Variants in THSD4 observed in about 807,000 individuals in gnomAD.
The protein encoded by THSD4 is thrombospondin type-1 domain-containing protein 4.
Under a neutral mutation model 119.0 loss-of-function variants are expected in THSD4, and 69 were observed. That is an observed-to-expected ratio of 0.58 (90% CI 0.48 to 0.71). The LOEUF is 0.71. Among genes scored for constraint, THSD4 ranks in the 30% least tolerant of loss-of-function variants. The pLI, the probability that THSD4 is intolerant of heterozygous loss-of-function variation, is 0.00. For synonymous variants in THSD4, 524 were observed against 540.4 expected (o/e 0.97, Z 0.42); for missense variants, 1,393 against 1,391.1 (o/e 1.00, Z -0.02).
At chr15:71,652,939 A>G (rs1196797079) in intron 7 of THSD4, among the ~76,000 whole-genome samples, 1 of 152,186 alleles carries the variant, frequency 6.6e-6, no homozygotes, top group Non-Finnish European at 1.5e-5. Context: ...TTGTGTATAT[A>G]CAGCAAATTT....
chr15:71,233,979 G>A (rs2044081836), intron 4 of THSD4, among the ~76,000 whole-genome samples: 1 of 152,230 alleles, frequency 6.6e-6, no homozygotes, highest in Admixed American at 6.5e-5. Context: ...AAGGAAGCAA[G>A]CTGTCGGCTG....
At chr15:71,467,137 G>T (rs2047511930) in intron 7 of THSD4, among the ~76,000 whole-genome samples, 1 of 152,124 alleles carries the variant, frequency 6.6e-6, no homozygotes, top group Non-Finnish European at 1.5e-5. Context: ...TGCTGCCTTT[G>T]TGTCTCTCCC....
At chr15:71,656,104 A>G (rs2051185684) in intron 7 of THSD4, among the ~76,000 whole-genome samples, 1 of 152,218 alleles carries the variant, frequency 6.6e-6, no homozygotes, top group Non-Finnish European at 1.5e-5. Context: ...TTTGGAGGAG[A>G]CTATCGGCTG....
At chr15:71,384,820 T>G (rs945436000) in intron 6 of THSD4, among the ~76,000 whole-genome samples, 1 of 152,210 alleles carries the variant, frequency 6.6e-6, no homozygotes, top group Non-Finnish European at 1.5e-5. Context: ...CTAATACATG[T>G]AAAGGTAGAC....
intron 7 of THSD4, among the ~76,000 whole-genome samples, chr15:71,541,824 G>C (rs1349500894): frequency 1.3e-5 from 2 of 152,206 alleles, no homozygotes; most frequent in African/African-American, 4.8e-5. Flanking sequence ...TAGAGAAAGG[G>C]AGTACCAGGA....
At chr15:71,637,851 A>G (rs867905275) in intron 7 of THSD4, among the ~76,000 whole-genome samples, 5 of 151,676 alleles carry the variant, frequency 3.3e-5, no homozygotes, top group Middle Eastern at 3.4e-3. Context: ...TCAGCCTCCC[A>G]AGTAGCTGGG....
chr15:71,240,838 C>CACAT (rs374887677), intron 4 of THSD4, among the ~76,000 whole-genome samples: 19,575 of 135,932 alleles, frequency 0.14, 1,418 homozygotes, highest in Middle Eastern at 0.23. Flanking sequence ...CACACACACA[C>CACAT]ATATATACAT....
chr15:71,328,021 C>T (rs1373200205), intron 6 of THSD4, among the ~76,000 whole-genome samples: 1 of 152,168 alleles, frequency 6.6e-6, no homozygotes. Flanking sequence ...AGTAAAGCCA[C>T]CTTCTTTCCT....
At chr15:71,474,706 T>G in intron 7 of THSD4, among the ~76,000 whole-genome samples, 1 of 152,174 alleles carries the variant, frequency 6.6e-6, no homozygotes, top group Non-Finnish European at 1.5e-5. Context: ...CTAGATTCCC[T>G]CTGGGTTCAG....
intron 15 of THSD4, among the ~76,000 whole-genome samples, chr15:71,758,445 C>G (rs1222795946): frequency 6.6e-6 from 1 of 152,146 alleles, no homozygotes; most frequent in Non-Finnish European, 1.5e-5. Flanking sequence ...AGCACAGTGC[C>G]TGACACAAAA....
intron 8 of THSD4, among the ~76,000 whole-genome samples, chr15:71,677,673 G>A (rs1263519658): frequency 1.3e-5 from 2 of 152,170 alleles, no homozygotes; most frequent in African/African-American, 4.8e-5. Flanking sequence ...CCCTTCTGCT[G>A]ATTGTTTCAC....
intron 6 of THSD4, among the ~76,000 whole-genome samples, chr15:71,304,440 G>A (rs552013713): frequency 2.4e-4 from 37 of 152,060 alleles, no homozygotes; most frequent in African/African-American, 8.2e-4. Context: ...GGAGAGAATA[G>A]CATCTCTATT....
chr15:71,152,599 G>A (rs751979719), intron 2 of THSD4, among the ~76,000 whole-genome samples: 4 of 152,028 alleles, frequency 2.6e-5, no homozygotes, highest in Non-Finnish European at 5.9e-5. Flanking sequence ...TTCCCTGCCC[G>A]GCCCACTCAC....
In THSD4 at chr15:71,115,618, G is replaced by T; in HGVS notation, c.-160G>T. Reference sequence around the variant, plus strand: ...GGCGGCCGTCCATGCGGCGGCGCTCGGGGCTGCCCGGCGCCGGGAACCACG... The same window carrying T: ...GGCGGCCGTCCATGCGGCGGCGCTCTGGGCTGCCCGGCGCCGGGAACCACG... On this transcript the variant is annotated 5_prime_UTR_variant, in exon 1 of 18. Coordinates refer to ENST00000261862, the MANE Select transcript of THSD4 (RefSeq NM_024817.3). This position sits in a 1 kb window ranked among gnomAD's most constrained non-coding sequence, Gnocchi z 4.4. 1 of 147,436 alleles carries T rather than the reference G, an allele frequency of 6.8e-6. No homozygotes were observed. The highest frequency in any genetic ancestry group is 2.0e-4 in the South Asian group (1 of 4,990). The allele number at this position is 147,436 out of a possible 1,614,324, so 9.1% of individuals were successfully genotyped here. A position where few individuals can be genotyped will look rare whatever the true frequency, so the allele number is the denominator to read the frequency against.
intron 8 of THSD4, among the ~76,000 whole-genome samples, chr15:71,667,586 C>T (rs979921778): frequency 6.6e-6 from 1 of 152,122 alleles, no homozygotes; most frequent in African/African-American, 2.4e-5. Context: ...TTTTAAACAA[C>T]AGTAATGGTC....
chr15:71,259,163 T>C (rs2044360221), intron 6 of THSD4, among the ~76,000 whole-genome samples: 1 of 151,498 alleles, frequency 6.6e-6, no homozygotes, highest in Admixed American at 6.6e-5. Context: ...GACACAGACA[T>C]ACAGGGAGTA....
chr15:71,138,622 A>G (rs1258041137), intron 1 of THSD4, among the ~76,000 whole-genome samples: 1 of 151,800 alleles, frequency 6.6e-6, no homozygotes, highest in Non-Finnish European at 1.5e-5. Context: ...ACTCCTCACA[A>G]GAGCCTCCCT....
At chr15:71,385,740 A>G (rs1220543674) in intron 6 of THSD4, among the ~76,000 whole-genome samples, 1 of 152,212 alleles carries the variant, frequency 6.6e-6, no homozygotes, top group Admixed American at 6.5e-5. Context: ...TTGGTTACAT[A>G]AGGGCTTGAG....
In THSD4 at chr15:71,631,250, C is replaced by G. The variant is rs73445762; in HGVS notation, c.1153-29280C>G. 1.7e-3 allele frequency among the ~76,000 whole-genome samples: 265 copies of G among 152,312 alleles called. 1 individual carries two copies. Among genetic ancestry groups the G allele is most frequent in the African/African-American group, 6.1e-3 (255 of 41,582 alleles). On this transcript the variant is annotated intron_variant, in intron 7 of 17. Coordinates refer to ENST00000261862, the MANE Select transcript of THSD4 (RefSeq NM_024817.3). ...AGTCCTGTGGGTAAGGCCTGGGCAT[C>G]AGTAGCTTTTCAAAGCCTTCAAAGT...
Sources: gnomAD v4.1 joint callset for allele counts (sites outside exome capture counted in the v4.1 genomes callset) on GRCh38, gnomAD v4.1.1 for gene constraint, Gnocchi (gnomAD v3.1) non-coding constraint, MANE v1.5 for transcripts, NCBI Gene and HGNC (gene_info 2026-07-23, HGNC 2026-07-21) for gene names.